Variants in SPIDR observed in about 807,000 individuals in gnomAD.
SPIDR encodes DNA repair-scaffolding protein.
SPIDR carries 93 observed loss-of-function variants against 104.6 expected under a neutral mutation model. That is an observed-to-expected ratio of 0.89 (90% CI 0.75 to 1.06). The LOEUF (loss-of-function observed/expected upper bound fraction) is 1.06, where lower values mean the gene tolerates loss of function less well. Among genes scored for constraint, SPIDR ranks in the 50% least tolerant of loss-of-function variants. The pLI is 0.00. For synonymous variants in SPIDR, 431 were observed against 416.9 expected (o/e 1.03, Z -0.41); for missense variants, 1,154 against 1,111.2 (o/e 1.04, Z -0.55).
rs1554623804 is a variant in SPIDR, at chr8:47,353,487, A to G, written c.526-42889A>G. Among the ~76,000 whole-genome samples the G allele has an allele frequency of 2.6e-5, 4 of 152,162 alleles. No individual in the cohort carries two copies. The South Asian group carries it at 6.2e-4, about 24-fold the overall frequency. On this transcript the variant is annotated intron_variant, in intron 5 of 19. Coordinates refer to ENST00000297423, the MANE Select transcript of SPIDR (RefSeq NM_001080394.4). Reference sequence around the variant, plus strand: ...GGTTGCTTTGGAATTTTCCAGGTACAGTGTTGGAGAAGTTGTAACACAGGA... The same window carrying G: ...GGTTGCTTTGGAATTTTCCAGGTACGGTGTTGGAGAAGTTGTAACACAGGA...
chr8:47,453,934 A>G (rs1379230803), intron 8 of SPIDR, among the ~76,000 whole-genome samples: 1 of 152,200 alleles, frequency 6.6e-6, no homozygotes, highest in African/African-American at 2.4e-5. Context: ...GTGAGATACC[A>G]TCTTACACCA....
intron 7 of SPIDR, 61 bp from the exon 8 acceptor site, chr8:47,440,262 C>A: frequency 7.0e-7 from 1 of 1,435,756 alleles, no homozygotes; most frequent in Non-Finnish European, 9.7e-7. Flanking sequence ...ACACTTTATT[C>A]ACGCTTGAAC....
intron 6 of SPIDR, among the ~76,000 whole-genome samples, chr8:47,404,733 G>A (rs1288013534): frequency 6.6e-6 from 1 of 152,200 alleles, no homozygotes; most frequent in African/African-American, 2.4e-5. Flanking sequence ...AGAGAAATAG[G>A]AACACTTTTA....
intron 10 of SPIDR, among the ~76,000 whole-genome samples, chr8:47,623,508 A>G (rs2065479154): frequency 2.6e-5 from 4 of 152,206 alleles, no homozygotes; most frequent in Admixed American, 2.6e-4. Flanking sequence ...ACGTGCAGAG[A>G]CACATATAGG....
At chr8:47,549,466 C>T (rs1264500720) in intron 8 of SPIDR, among the ~76,000 whole-genome samples, 9 of 152,202 alleles carry the variant, frequency 5.9e-5, no homozygotes, top group Non-Finnish European at 2.9e-5. Context: ...GCCATTCTAA[C>T]TGGTGTGAGA....
chr8:47,551,771 T>G (rs963824451), intron 8 of SPIDR, among the ~76,000 whole-genome samples: 12 of 152,206 alleles, frequency 7.9e-5, no homozygotes, highest in African/African-American at 2.9e-4. Flanking sequence ...TCTATCTCCT[T>G]CAGTTCTGCT....
At chr8:47,721,770 C>T (rs1442808247) in intron 16 of SPIDR, among the ~76,000 whole-genome samples, 3 of 152,134 alleles carry the variant, frequency 2.0e-5, no homozygotes, top group Non-Finnish European at 4.4e-5. Flanking sequence ...CCACCGCGCC[C>T]GGCCAATTAC....
At chr8:47,322,802 G>A (rs1157083384) in intron 5 of SPIDR, among the ~76,000 whole-genome samples, 3 of 151,998 alleles carry the variant, frequency 2.0e-5, no homozygotes, top group Admixed American at 6.6e-5. Context: ...CATGGATGAA[G>A]GTGGAAACCA....
chr8:47,610,213 C>T (rs759329196), intron 10 of SPIDR, among the ~76,000 whole-genome samples: 7 of 152,088 alleles, frequency 4.6e-5, no homozygotes, highest in Non-Finnish European at 8.8e-5. Flanking sequence ...CTCTTCCCAC[C>T]GTACCCCCAC....
At chr8:47,422,643 T>G (rs9785094) in intron 7 of SPIDR, among the ~76,000 whole-genome samples, 1 of 152,154 alleles carries the variant, frequency 6.6e-6, no homozygotes. Context: ...CCATCCCCAG[T>G]GAGGTGAACC....
At chr8:47,374,248 A>G (rs1166242582) in intron 5 of SPIDR, among the ~76,000 whole-genome samples, 1 of 152,206 alleles carries the variant, frequency 6.6e-6, no homozygotes, top group Non-Finnish European at 1.5e-5. Context: ...CTGGCCAGGC[A>G]TGGTGGCTCA....
rs187783077 is a variant in SPIDR at position 47,457,391 on chromosome 8, C to A, written c.1097+16849C>A. Among the ~76,000 whole-genome samples, 359 of 152,132 alleles carry A rather than the reference C, an allele frequency of 2.4e-3. 5 individuals carry two copies. The highest frequency in any genetic ancestry group is 0.02 in the Admixed American group (309 of 15,252). On this transcript the variant is annotated intron_variant, in intron 8 of 19. Coordinates refer to ENST00000297423, the MANE Select transcript of SPIDR (RefSeq NM_001080394.4). ...GAGCATTTTTTCATATGTTCATTGGCCATTTGTATATCTTCTTTTGAGAAT... is the reference window on the plus strand; with the variant it reads ...GAGCATTTTTTCATATGTTCATTGGACATTTGTATATCTTCTTTTGAGAAT...
At chr8:47,625,758 A>G (rs1266005806) in intron 10 of SPIDR, among the ~76,000 whole-genome samples, 4 of 152,144 alleles carry the variant, frequency 2.6e-5, no homozygotes, top group Non-Finnish European at 5.9e-5. Context: ...AAATGGAAGA[A>G]CATTCCATGC....
intron 14 of SPIDR, among the ~76,000 whole-genome samples, chr8:47,704,834 T>C (rs1207913624): frequency 2.0e-5 from 3 of 152,166 alleles, no homozygotes; most frequent in Admixed American, 2.0e-4. Context: ...AGGATAGGGC[T>C]CCCAGCAAGG....
chr8:47,696,954 G>A (rs2079411572), intron 11 of SPIDR, among the ~76,000 whole-genome samples: 1 of 152,126 alleles, frequency 6.6e-6, no homozygotes, highest in African/African-American at 2.4e-5. Context: ...TGCAGGCTCA[G>A]CCCTGGAGGA....
At chr8:47,424,486 CT>C (rs1306666105) in intron 7 of SPIDR, among the ~76,000 whole-genome samples, 2 of 151,696 alleles carry the variant, frequency 1.3e-5, no homozygotes, top group African/African-American at 4.8e-5. Flanking sequence ...AAAAAAATTT[CT>C]TTTTTTTCTC....
chr8:47,512,003 C>T, intron 8 of SPIDR: 1 of 774,688 alleles, frequency 1.3e-6, no homozygotes, highest in Non-Finnish European at 2.3e-6. Context: ...ATGATGTCTT[C>T]TTCCCCTCTG....
At chr8:47,461,492 A>G (rs1418027393) in intron 8 of SPIDR, among the ~76,000 whole-genome samples, 1 of 152,164 alleles carries the variant, frequency 6.6e-6, no homozygotes, top group Non-Finnish European at 1.5e-5. Context: ...TTGTATTTCT[A>G]GTAGAGATGG....
intron 5 of SPIDR, among the ~76,000 whole-genome samples, chr8:47,319,326 CA>C (rs1287340987): frequency 1.3e-5 from 2 of 152,070 alleles, no homozygotes; most frequent in Non-Finnish European, 2.9e-5. Context: ...TTTAAACCAA[CA>C]AAGATCAAAA....
Sources: gnomAD v4.1 joint callset for allele counts (sites outside exome capture counted in the v4.1 genomes callset) on GRCh38, gnomAD v4.1.1 for gene constraint, MANE v1.5 for transcripts, NCBI Gene and HGNC (gene_info 2026-07-23, HGNC 2026-07-21) for gene names.